The following PPP1R12B variants were observed in gnomAD, a reference collection of about 807,000 sequenced individuals.
The protein encoded by PPP1R12B is protein phosphatase 1 regulatory subunit 12B.
Under a neutral mutation model 126.1 loss-of-function variants are expected in PPP1R12B, and 76 were observed. The observed-to-expected ratio is 0.60, with a 90% CI of 0.50 to 0.73. The LOEUF (loss-of-function observed/expected upper bound fraction) is 0.73, where lower values mean the gene tolerates loss of function less well. Among genes scored for constraint, PPP1R12B ranks in the 30% least tolerant of loss-of-function variants. PPP1R12B has a pLI of 0.00. For synonymous variants in PPP1R12B, 356 were observed against 434.7 expected (o/e 0.82, Z 2.25); for missense variants, 1,052 against 1,205.1 (o/e 0.87, Z 1.88).
intron 1 of PPP1R12B, among the ~76,000 whole-genome samples, chr1:202,368,388 T>C (rs1659661017): frequency 6.6e-6 from 1 of 152,250 alleles, no homozygotes. Context: ...CCCTGAGGCC[T>C]CCCCAGGAGC....
chr1:202,438,372 G>T lies in PPP1R12B; in HGVS notation c.1458+348G>T, dbSNP rs1018370348. On this transcript the variant is annotated intron_variant, in intron 10 of 23. Transcript: ENST00000608999. ...CAGGTAGGGGTCCTGGATCCAGAGGGCCAATTCCCGTCCCCCCAGCGGCAT... is the reference window on the plus strand; with the variant it reads ...CAGGTAGGGGTCCTGGATCCAGAGGTCCAATTCCCGTCCCCCCAGCGGCAT... 4 of 772,108 alleles carry T rather than the reference G, an allele frequency of 5.2e-6. No homozygotes were observed. The Admixed American group carries it at 1.0e-4, about 20-fold the overall frequency. 47.8% of individuals were successfully genotyped at this position (772,108 alleles called of 1,614,324 possible). A position where few individuals can be genotyped will look rare whatever the true frequency, so the allele number is the denominator to read the frequency against.
chr1:202,405,287 C>G (rs563070580), intron 1 of PPP1R12B, among the ~76,000 whole-genome samples: 12 of 152,218 alleles, frequency 7.9e-5, no homozygotes, highest in African/African-American at 2.9e-4. Context: ...GAGCCCTGGC[C>G]CATTGTTTTT....
intron 18 of PPP1R12B, among the ~76,000 whole-genome samples, chr1:202,515,291 T>C (rs955982302): frequency 2.6e-4 from 32 of 123,964 alleles, no homozygotes; most frequent in Middle Eastern, 3.8e-3. Context: ...GAACCTAAAA[T>C]AAAAGTGTTT....
intron 2 of PPP1R12B, among the ~76,000 whole-genome samples, chr1:202,417,818 AT>A (rs1374505893): frequency 2.0e-5 from 3 of 152,206 alleles, no homozygotes; most frequent in Non-Finnish European, 4.4e-5. Flanking sequence ...AGCAGGGAGA[AT>A]TTTGTTGGCA....
intron 2 of PPP1R12B, among the ~76,000 whole-genome samples, chr1:202,418,503 C>A (rs1668369005): frequency 6.6e-6 from 1 of 150,956 alleles, no homozygotes; most frequent in African/African-American, 2.4e-5. Flanking sequence ...TTCTTTAATT[C>A]GTCTTTATGA....
At chr1:202,515,415 G>A (rs1179018971) in intron 18 of PPP1R12B, among the ~76,000 whole-genome samples, 1 of 152,194 alleles carries the variant, frequency 6.6e-6, no homozygotes, top group Non-Finnish European at 1.5e-5. Flanking sequence ...GGCTTATGTA[G>A]CTAGAAAATC....
chr1:202,351,542 C>T (rs1656011455), intron 1 of PPP1R12B, among the ~76,000 whole-genome samples: 1 of 152,066 alleles, frequency 6.6e-6, no homozygotes, highest in Non-Finnish European at 1.5e-5. Flanking sequence ...CATGGCCGAC[C>T]TGGAGAACTC....
chr1:202,535,013 CGCATGCTAG>C (rs1368446568), intron 18 of PPP1R12B, among the ~76,000 whole-genome samples: 1 of 151,760 alleles, frequency 6.6e-6, no homozygotes, highest in East Asian at 1.9e-4. Flanking sequence ...TGAGCATGAC[CGCATGCTAG>C]GCACTGTGAT....
intron 18 of PPP1R12B, among the ~76,000 whole-genome samples, chr1:202,544,137 C>T (rs992201021): frequency 2.0e-5 from 3 of 152,050 alleles, no homozygotes; most frequent in Non-Finnish European, 4.4e-5. Context: ...ACGAAACAAC[C>T]CTAATATAAG....
intron 1 of PPP1R12B, among the ~76,000 whole-genome samples, chr1:202,362,666 T>G (rs1658432391): frequency 6.6e-6 from 1 of 151,780 alleles, no homozygotes; most frequent in Non-Finnish European, 1.5e-5. Flanking sequence ...TTTGTTTTTT[T>G]TTTTTGTAAT....
At chr1:202,566,302 G>A (rs1018303870) in intron 21 of PPP1R12B, among the ~76,000 whole-genome samples, 3 of 152,194 alleles carry the variant, frequency 2.0e-5, no homozygotes, top group Non-Finnish European at 4.4e-5. Flanking sequence ...GCTTTGCTGG[G>A]TGTGTCAAAA....
Position 202,548,773 on chromosome 1 carries a change from GCTGTCTCTCTCT to G in PPP1R12B, c.2491-10101_2491-10090del, listed in dbSNP as rs1274738544. ...TGATCATGCGCTCGCTCACTCGCTC[GCTGTCTCTCTCT>G]CTCTCTCTCTCTCTCTCTCTCTCTA... On this transcript the variant is annotated intron_variant, in intron 18 of 23. Transcript: ENST00000608999. 2.4e-3 allele frequency among the ~76,000 whole-genome samples: 256 copies of G among 106,834 alleles called. 4 individuals carry two copies. Among genetic ancestry groups the G allele is most frequent in the Admixed American group, 6.4e-3 (70 of 10,860 alleles). 70.1% of individuals were successfully genotyped at this position (106,834 alleles called of 152,430 possible). A position where few individuals can be genotyped will look rare whatever the true frequency, so the allele number is the denominator to read the frequency against.
chr1:202,510,405 G>A (rs1489255100), intron 18 of PPP1R12B, among the ~76,000 whole-genome samples: 1 of 152,150 alleles, frequency 6.6e-6, no homozygotes, highest in Non-Finnish European at 1.5e-5. Context: ...TGGAAGTCCT[G>A]GAAATCTATA....
chr1:202,426,524 A>G (rs754933756), intron 4 of PPP1R12B, among the ~76,000 whole-genome samples: 8 of 152,338 alleles, frequency 5.3e-5, no homozygotes, highest in Middle Eastern at 3.4e-3. Context: ...ATAGTGTCCT[A>G]GAAAGACCAA....
chr1:202,584,962 C>G lies in PPP1R12B; in HGVS notation c.*4402C>G, dbSNP rs1689733901. The G allele has an allele frequency of 6.6e-6, 1 of 152,230 alleles. No homozygotes were observed. Among genetic ancestry groups the G allele is most frequent in the Non-Finnish European group, 1.5e-5 (1 of 68,064 alleles). 9.4% of individuals were successfully genotyped at this position (152,230 alleles called of 1,614,324 possible). A position where few individuals can be genotyped will look rare whatever the true frequency, so the allele number is the denominator to read the frequency against. Reference sequence around the variant, plus strand: ...TGACCGCACTTTAAGCACACACTTACCAATCAGAGGTCGTGTAATTGGCCT... The same window carrying G: ...TGACCGCACTTTAAGCACACACTTAGCAATCAGAGGTCGTGTAATTGGCCT... On this transcript the variant is annotated 3_prime_UTR_variant, in exon 24 of 24. Transcript: ENST00000608999.
intron 1 of PPP1R12B, among the ~76,000 whole-genome samples, chr1:202,394,406 A>T (rs1204514738): frequency 1.3e-5 from 2 of 152,002 alleles, no homozygotes; most frequent in African/African-American, 4.8e-5. Context: ...TTAGATTTTA[A>T]TTTTTTTTCT....
chr1:202,580,481 C>T lies in PPP1R12B; in HGVS notation c.2870C>T (p.Thr957Ile). The change falls in exon 24 of 24, where the codon ACA becomes ATA. Residue 957 changes from threonine to isoleucine, a missense_variant. By Grantham distance (89) the Thr-to-Ile change is moderately conservative. Coordinates refer to ENST00000608999, the MANE Select transcript of PPP1R12B (RefSeq NM_002481.4). ...CCCTCTGTCACCCTACAGGTGTTAA[C>T]AGAACTGAAATCCGACAACCAGAGG... ...SEMEEEMKVL[T>I]ELKSDNQRLK... 1 of 1,613,504 alleles carries T rather than the reference C, an allele frequency of 6.2e-7. No homozygotes were observed. Among genetic ancestry groups the T allele is most frequent in the African/African-American group, 1.3e-5 (1 of 75,032 alleles).
rs1276890623 is a variant in PPP1R12B, at chr1:202,419,173, T to G, written c.422+2256T>G. ...AGTTAGCTGGGTGTTTTTACATTTT[T>G]TTTATGAATAAATGTTTCACTTAGA... On this transcript the variant is annotated intron_variant, in intron 2 of 23. Transcript: ENST00000608999. This position sits in a 1 kb window ranked among gnomAD's most constrained non-coding sequence, Gnocchi z 4.6. Among the ~76,000 whole-genome samples, 1 of 152,238 alleles carries G rather than the reference T, an allele frequency of 6.6e-6. No individual in the cohort carries two copies. Among genetic ancestry groups the G allele is most frequent in the African/African-American group, 2.4e-5 (1 of 41,470 alleles).
At chr1:202,556,106 C>T (rs2148996850) in intron 18 of PPP1R12B, among the ~76,000 whole-genome samples, 1 of 152,220 alleles carries the variant, frequency 6.6e-6, no homozygotes. Flanking sequence ...GAACTCCTGA[C>T]CTCAAGTGAT....
Sources: gnomAD v4.1 joint callset for allele counts (sites outside exome capture counted in the v4.1 genomes callset) on GRCh38, gnomAD v4.1.1 for gene constraint, Gnocchi (gnomAD v3.1) non-coding constraint, MANE v1.5 for transcripts, NCBI Gene and HGNC (gene_info 2026-07-23, HGNC 2026-07-21) for gene names.